The following LINGO1 variants were observed in gnomAD, a reference collection of about 807,000 sequenced individuals.
LINGO1 encodes the protein leucine-rich repeat and immunoglobulin-like domain-containing nogo receptor-interacting protein 1.
LINGO1 carries 11 observed loss-of-function variants against 37.3 expected under a neutral mutation model. That is an observed-to-expected ratio of 0.29 (90% CI 0.19 to 0.49). LINGO1 has a LOEUF of 0.49. Among genes scored for constraint, LINGO1 ranks in the 20% least tolerant of loss-of-function variants. The pLI is 0.99. For synonymous variants in LINGO1, 387 were observed against 403.0 expected (o/e 0.96, Z 0.48); for missense variants, 585 against 878.2 (o/e 0.67, Z 4.22).
chr15:77,818,673 G>A (rs2077068496), intron 1 of LINGO1, among the ~76,000 whole-genome samples: 1 of 152,034 alleles, frequency 6.6e-6, no homozygotes, highest in African/African-American at 2.4e-5. Context: ...CTGAACCTTG[G>A]TGTCTTCCTC....
intron 1 of LINGO1, among the ~76,000 whole-genome samples, chr15:77,796,395 T>C (rs1325999458): frequency 6.6e-6 from 1 of 151,800 alleles, no homozygotes; most frequent in Non-Finnish European, 1.5e-5. Context: ...CAGGCTGGAG[T>C]CTGACTATGC....
At chr15:77,807,312 C>T (rs567369936) in intron 1 of LINGO1, among the ~76,000 whole-genome samples, 180 of 152,340 alleles carry the variant, frequency 1.2e-3, no homozygotes, top group African/African-American at 4.1e-3. Flanking sequence ...GCAGGGGCTG[C>T]TTCGGATTCA....
chr15:77,635,733 C>CCCTGGTGGCGTGCCTTTTCCCTGAT (rs1567476194), upstream of LINGO1, among the ~76,000 whole-genome samples: 2 of 152,240 alleles, frequency 1.3e-5, no homozygotes, highest in African/African-American at 4.8e-5. Flanking sequence ...TCTCCCCAGA[C>CCCTGGTGGCGTGCCTTTTCCCTGAT]TGAAATGACA....
At chr15:77,677,104 T>C (rs759213779) in exon 3 of LINGO1, 10 of 152,394 alleles carry the variant, frequency 6.6e-5, no homozygotes, top group African/African-American at 9.7e-5. Context: ...TCAGATGGCG[T>C]TGGGAGGCAA....
chr15:77,648,122 C>A, intron 3 of LINGO1: 1 of 350,160 alleles, frequency 2.9e-6, no homozygotes, highest in South Asian at 2.1e-5. Context: ...CCCTCAGGAT[C>A]ATCATTAACC....
At chr15:77,690,143 G>T (rs2075578432) in intron 2 of LINGO1, among the ~76,000 whole-genome samples, 1 of 152,156 alleles carries the variant, frequency 6.6e-6, no homozygotes, top group Admixed American at 6.5e-5. Context: ...AGGATCCTAA[G>T]ATTCCTTTGG....
chr15:77,637,325 G>A (rs545968528), upstream of LINGO1, among the ~76,000 whole-genome samples: 172 of 152,338 alleles, frequency 1.1e-3, 1 homozygote, highest in African/African-American at 3.5e-3. This position sits in a 1 kb window ranked among gnomAD's most constrained non-coding sequence, Gnocchi z 4.6. Context: ...GCCCACCCCC[G>A]TTAACTGGGG....
At chr15:77,778,894 C>G (rs1419654669) in intron 1 of LINGO1, among the ~76,000 whole-genome samples, 1 of 152,144 alleles carries the variant, frequency 6.6e-6, no homozygotes, top group Non-Finnish European at 1.5e-5. Flanking sequence ...AAAGCCAAAG[C>G]CCTGAGAGCG....
At chr15:77,761,074 G>A (rs1350331056) in intron 1 of LINGO1, among the ~76,000 whole-genome samples, 5 of 151,222 alleles carry the variant, frequency 3.3e-5, no homozygotes, top group African/African-American at 7.3e-5. Context: ...CTACAGGTGC[G>A]TGCCACCATG....
chr15:77,782,229 AC>A (rs2141427959), intron 1 of LINGO1, among the ~76,000 whole-genome samples: 1 of 151,060 alleles, frequency 6.6e-6, no homozygotes, highest in South Asian at 2.1e-4. Flanking sequence ...ACACACACAC[AC>A]ACACACACAC....
At chr15:77,686,275 T>C (rs1043915457) in intron 2 of LINGO1, among the ~76,000 whole-genome samples, 7 of 151,998 alleles carry the variant, frequency 4.6e-5, no homozygotes, top group African/African-American at 1.7e-4. Context: ...GCACCAGCCC[T>C]GGATGCCAGG....
chr15:77,627,052 T>C (rs1024196610), intron 1 of LINGO1, among the ~76,000 whole-genome samples: 3 of 149,286 alleles, frequency 2.0e-5, no homozygotes, highest in African/African-American at 7.4e-5. Context: ...GCAGGTTCTC[T>C]GCAGAGGGAA....
At chr15:77,799,377 G>C (rs1188813646) in intron 1 of LINGO1, among the ~76,000 whole-genome samples, 1 of 152,120 alleles carries the variant, frequency 6.6e-6, no homozygotes, top group Non-Finnish European at 1.5e-5. Flanking sequence ...GCTTCTAAGA[G>C]ACCTCTGAGT....
chr15:77,753,795 G>A (rs1027558079), intron 1 of LINGO1, among the ~76,000 whole-genome samples: 9 of 152,220 alleles, frequency 5.9e-5, no homozygotes, highest in African/African-American at 2.2e-4. Flanking sequence ...TCTAAACAAC[G>A]TATGGCAGAG....
intron 3 of LINGO1, among the ~76,000 whole-genome samples, chr15:77,668,555 C>T (rs993792838): frequency 3.9e-5 from 6 of 152,164 alleles, no homozygotes; most frequent in African/African-American, 1.4e-4. Flanking sequence ...TGAGAAGCCC[C>T]TTTAGAGACA....
Position 77,623,853 on chromosome 15 carries a change from C to CTGTG in LINGO1, c.7-7957_7-7954dup, listed in dbSNP as rs59528630. Among the ~76,000 whole-genome samples the CTGTG allele has an allele frequency of 4.5e-4, 66 of 146,236 alleles. No individual in the cohort carries two copies. In the South Asian group the frequency reaches 6.9e-3, roughly 15 times the overall value. On this transcript the variant is annotated intron_variant, in intron 1 of 1. Coordinates refer to ENST00000355300, the MANE Select transcript of LINGO1 (RefSeq NM_032808.7). ...GTCTGTGTGTGTGTGTGTGAGTGGC[C>CTGTG]TGTGTGTGTGTGTGTGTGTGTGTCT...
intron 2 of LINGO1, among the ~76,000 whole-genome samples, chr15:77,686,578 G>A (rs982539802): frequency 3.3e-5 from 5 of 152,106 alleles, no homozygotes; most frequent in African/African-American, 4.8e-5. Context: ...TGCCCCCACC[G>A]TCAACCCTCT....
intron 1 of LINGO1, among the ~76,000 whole-genome samples, chr15:77,813,775 C>G (rs766614790): frequency 3.3e-5 from 5 of 152,200 alleles, no homozygotes; most frequent in Non-Finnish European, 4.4e-5. Context: ...GTAAGGCAGG[C>G]AGGGAGATCA....
At chr15:77,674,492 G>A (rs778874296) in intron 3 of LINGO1, among the ~76,000 whole-genome samples, 13 of 152,152 alleles carry the variant, frequency 8.5e-5, no homozygotes, top group African/African-American at 1.9e-4. Context: ...TGATGAGTGC[G>A]TGGTCCCTGT....
Sources: allele counts gnomAD v4.1 joint callset (sites outside exome capture counted in the v4.1 genomes callset), GRCh38; gene constraint gnomAD v4.1.1; non-coding constraint Gnocchi (gnomAD v3.1); transcripts MANE v1.5; gene names NCBI Gene and HGNC (gene_info 2026-07-23, HGNC 2026-07-21).